Variants in RNF6 observed in about 807,000 individuals in gnomAD.
The protein encoded by RNF6 is E3 ubiquitin-protein ligase RNF6.
RNF6 carries 21 observed loss-of-function variants against 50.1 expected under a neutral mutation model. The observed-to-expected ratio is 0.42, with a 90% CI of 0.30 to 0.60. The LOEUF is 0.60. Ranked by LOEUF, RNF6 falls within the 20% of genes least tolerant of loss-of-function variation. The pLI, the probability that RNF6 is intolerant of heterozygous loss-of-function variation, is 0.20. For missense variants in RNF6, 698 were observed against 838.2 expected, an observed-to-expected ratio of 0.83 and a Z score of 2.07; for synonymous variants, 255 against 291.8, an observed-to-expected ratio of 0.87 and a Z score of 1.29.
intron 5 of RNF6, among the ~76,000 whole-genome samples, chr13:26,178,393 T>C (rs1215596178): frequency 6.6e-6 from 1 of 151,588 alleles, no homozygotes; most frequent in African/African-American, 2.4e-5. Context: ...GGGCCTCTTT[T>C]ATGAGGGCAT....
chr13:26,183,781 C>T (rs1308668009), intron 5 of RNF6, among the ~76,000 whole-genome samples: 1 of 151,382 alleles, frequency 6.6e-6, no homozygotes, highest in Non-Finnish European at 1.5e-5. Context: ...ACTTTTCACT[C>T]ATATTCTCAC....
At chr13:26,132,149 T>C (rs933882083) in exon 6 of RNF6, 39 of 209,054 alleles carry the variant, frequency 1.9e-4, no homozygotes, top group Non-Finnish European at 3.7e-4. Flanking sequence ...ATTACATAAA[T>C]GCTTATTGCA....
At chr13:26,149,786 C>T (rs1427824972) in intron 5 of RNF6, among the ~76,000 whole-genome samples, 1 of 150,192 alleles carries the variant, frequency 6.7e-6, no homozygotes, top group Admixed American at 6.6e-5. Context: ...CTCACTAATG[C>T]AACCTCATCA....
At chr13:26,156,340 C>A (rs539596028) in intron 5 of RNF6, among the ~76,000 whole-genome samples, 1 of 152,104 alleles carries the variant, frequency 6.6e-6, no homozygotes, top group Non-Finnish European at 1.5e-5. Context: ...TAAGCCATTA[C>A]GCATCAGTTA....
In RNF6 at chr13:26,191,744, C is replaced by G. The variant is rs538768173; in HGVS notation, n.768+23730G>C. On this transcript the variant is annotated intron_variant and non_coding_transcript_variant, in intron 5 of 5. Coordinates refer to the RNF6 transcript ENST00000468480. ...GTCAAATAAACCTCTTTATAAATCACTCAGTCTCAGGTAGTTATTTATAGA... is the reference window on the plus strand; with the variant it reads ...GTCAAATAAACCTCTTTATAAATCAGTCAGTCTCAGGTAGTTATTTATAGA... Among the ~76,000 whole-genome samples, 5 of 152,306 alleles carry G rather than the reference C, an allele frequency of 3.3e-5. No individual in the cohort carries two copies. In the South Asian group the frequency reaches 1.0e-3, roughly 32 times the overall value.
At chr13:26,183,163 T>C (rs748629823) in intron 5 of RNF6, among the ~76,000 whole-genome samples, 4 of 152,250 alleles carry the variant, frequency 2.6e-5, no homozygotes, top group East Asian at 1.9e-4. Flanking sequence ...AAATCTGTTA[T>C]ATGCTTTTGC....
At chr13:26,172,391 T>C (rs371921701) in intron 5 of RNF6, among the ~76,000 whole-genome samples, 1 of 152,094 alleles carries the variant, frequency 6.6e-6, no homozygotes, top group South Asian at 2.1e-4. Context: ...ATTGGTGACA[T>C]CTTAACATCA....
At chr13:26,222,357 G>GT (rs1382970318), upstream of RNF6, 1 of 152,296 alleles carries the variant, frequency 6.6e-6, no homozygotes, top group African/African-American at 2.4e-5. Context: ...GGCGTCCCGC[G>GT]TTCCGCCCTC....
intron 5 of RNF6, chr13:26,142,333 A>G (rs1194245218): frequency 4.6e-5 from 7 of 152,198 alleles, no homozygotes; most frequent in African/African-American, 1.4e-4. Flanking sequence ...GATTTATCAA[A>G]GAACTAAAAA....
intron 5 of RNF6, among the ~76,000 whole-genome samples, chr13:26,186,030 T>C (rs1377061610): frequency 6.6e-6 from 1 of 152,146 alleles, no homozygotes; most frequent in Non-Finnish European, 1.5e-5. Context: ...AACATAGATA[T>C]GAAACAAACA....
Position 26,218,536 on chromosome 13 carries a change from G to A in RNF6, c.264C>T (p.Asp88=), listed in dbSNP as rs982904290. The A allele has an allele frequency of 5.6e-6, 9 of 1,613,688 alleles. No homozygotes were observed. In the African/African-American group the frequency reaches 1.2e-4, roughly 22 times the overall value. Residue 88 remains aspartate (D), a synonymous_variant, in exon 4 of 5, where the codon GAC becomes GAT. Coordinates refer to ENST00000381588, the MANE Select transcript of RNF6 (RefSeq NM_005977.4). ...GVKEQLASQP[D]LRDGTNYRDS... is the part of the protein sequence containing the mutation. ...CTCTGTAATTCGTTCCATCTCTCAA[G>A]TCAGGCTGAGATGCTAGTTGTTCCT...
chr13:26,168,977 T>C (rs1361902375), intron 5 of RNF6, among the ~76,000 whole-genome samples: 1 of 152,180 alleles, frequency 6.6e-6, no homozygotes, highest in Non-Finnish European at 1.5e-5. Context: ...CACTCCAGAC[T>C]GGGTGATAGA....
chr13:26,170,486 ATC>A (rs55713738), intron 5 of RNF6, among the ~76,000 whole-genome samples: 112,670 of 151,560 alleles, frequency 0.74, 42,138 homozygotes, highest in East Asian at 0.8. Context: ...TTTACTAACT[ATC>A]CATGCGTGAA....
At chr13:26,195,687 G>C (rs1275154150) in intron 5 of RNF6, among the ~76,000 whole-genome samples, 1 of 152,154 alleles carries the variant, frequency 6.6e-6, no homozygotes, top group Non-Finnish European at 1.5e-5. Context: ...AACACAATTA[G>C]TAAATAGCAG....
At position 26,181,468 on chromosome 13, in the gene RNF6, G is replaced by A. The variant is rs144351022; in HGVS notation, n.768+34006C>T. ...AAACCGTGAAAATGTAGCAAGAGGT[G>A]ATGTCAGGGGTGGCCTGCACAGCCA... On this transcript the variant is annotated intron_variant and non_coding_transcript_variant, in intron 5 of 5. Transcript: ENST00000468480. Among the ~76,000 whole-genome samples, 3 of 152,320 alleles carry A rather than the reference G, an allele frequency of 2.0e-5. No individual in the cohort carries two copies. The East Asian group carries it at 5.8e-4, about 29-fold the overall frequency.
chr13:26,169,604 C>T (rs1872600709), intron 5 of RNF6, among the ~76,000 whole-genome samples: 1 of 152,196 alleles, frequency 6.6e-6, no homozygotes, highest in South Asian at 2.1e-4. Flanking sequence ...TTAAGAGTCT[C>T]TTGCCGGCCT....
chr13:26,178,136 A>G (rs560697725), intron 5 of RNF6, among the ~76,000 whole-genome samples: 1 of 152,206 alleles, frequency 6.6e-6, no homozygotes, highest in South Asian at 2.1e-4. Flanking sequence ...TTGCAGTGAG[A>G]CAAGATCACA....
chr13:26,152,600 T>C (rs898690269), intron 5 of RNF6, among the ~76,000 whole-genome samples: 1 of 152,200 alleles, frequency 6.6e-6, no homozygotes, highest in African/African-American at 2.4e-5. Flanking sequence ...TTTTGACACA[T>C]GCTATGTGTC....
At chr13:26,166,726 C>A (rs139515136) in intron 5 of RNF6, among the ~76,000 whole-genome samples, 2,415 of 152,242 alleles carry the variant, frequency 0.016, 72 homozygotes, top group African/African-American at 0.054. Flanking sequence ...TCAAGACCAA[C>A]CTGGGCAACA....
Sources: allele counts gnomAD v4.1 joint callset (sites outside exome capture counted in the v4.1 genomes callset), GRCh38; gene constraint gnomAD v4.1.1; transcripts MANE v1.5; gene names NCBI Gene and HGNC (gene_info 2026-07-23, HGNC 2026-07-21).